The following FPGS variants were observed in gnomAD, a reference collection of about 807,000 sequenced individuals.
The protein encoded by FPGS is folylpolyglutamate synthase, mitochondrial.
In FPGS, 53 loss-of-function variants were observed where a neutral mutation model predicts 66.5. The observed-to-expected ratio is 0.80, with a 90% CI of 0.64 to 1.00. The LOEUF is 1.00. Among genes scored for constraint, FPGS ranks in the 50% least tolerant of loss-of-function variants. The probability of loss-of-function intolerance (pLI) is 0.00; values close to 1 mark genes in which losing one functional copy is unlikely to be tolerated. For synonymous variants in FPGS, 348 were observed against 350.9 expected (o/e 0.99, Z 0.09); for missense variants, 702 against 807.7 (o/e 0.87, Z 1.59).
chr9:127,806,992 G>A lies in FPGS; in HGVS notation c.406G>A (p.Val136Ile), dbSNP rs780050858. The A allele has an allele frequency of 1.2e-6, 2 of 1,613,938 alleles. No individual in the cohort carries two copies. Among genetic ancestry groups the A allele is most frequent in the Non-Finnish European group, 1.7e-6 (2 of 1,179,974 alleles). ...GFFSSPHLVQ[V>I]RERIRINGQP... ...CGGCAGCTCTCCCCACCTGGTGCAG[G>A]TTCGGGAGCGGATCCGCATCAATGG... is the stretch of plus-strand genomic sequence containing the variant. Residue 136 changes from valine (V) to isoleucine (I), a missense_variant, in exon 5 of 15, where the codon GTT (valine) becomes ATT (isoleucine). Around this residue, in one of 3 missense-constraint regions of FPGS, gnomAD observed 240 missense variants for 348.6 expected, o/e 0.69. Transcript: ENST00000373247.
chr9:127,803,042 G>T lies in FPGS; in HGVS notation c.118G>T (p.Glu40Ter). The change falls in exon 1 of 15, where the codon GAG (glutamate) becomes TAG (stop). Residue 40 changes from glutamate (E) to a stop codon, truncating the protein, a stop_gained. Transcript: ENST00000373247. LOFTEE classifies it high-confidence loss of function. ...RGLSAWPVPQ[E>*]PSMEYQDAVR... is the part of the protein sequence containing the mutation. ...CTTGAGCGCGTGGCCGGTGCCGCAG[G>T]AGCCGAGCATGGAGTACCAGGTATC... The T allele has an allele frequency of 6.9e-7, 1 of 1,439,104 alleles. No homozygotes were observed. 89.1% of individuals were successfully genotyped at this position (1,439,104 alleles called of 1,614,324 possible).
intron 11 of FPGS, 56 bp downstream of exon 11, chr9:127,808,945 G>GC: frequency 1.3e-6 from 1 of 797,208 alleles, no homozygotes; most frequent in Non-Finnish European, 1.9e-6. Context: ...TGCCCCTTCA[G>GC]ATTTTTTTTT....
chr9:127,805,476 A>G lies in FPGS; in HGVS notation c.386+776A>G, dbSNP rs149709663. On this transcript the variant is annotated intron_variant, in intron 4 of 14. Coordinates refer to ENST00000373247, the MANE Select transcript of FPGS (RefSeq NM_004957.6). ...GTCAGATGTCTCTTTAATAACTTAAAGTCCAGGTTGAGTGTGGTGGCTCAC... is the reference window on the plus strand; with the variant it reads ...GTCAGATGTCTCTTTAATAACTTAAGGTCCAGGTTGAGTGTGGTGGCTCAC... 9.2e-5 allele frequency among the ~76,000 whole-genome samples: 14 copies of G among 152,174 alleles called. No individual in the cohort carries two copies. The East Asian group carries it at 2.7e-3, about 29-fold the overall frequency.
intron 11 of FPGS, 135 bp from the exon 12 acceptor site, chr9:127,809,549 T>C: frequency 1.3e-6 from 1 of 785,500 alleles, no homozygotes; most frequent in Non-Finnish European, 1.9e-6. Flanking sequence ...TAGTAAAAAG[T>C]TCCTGGGCTG....
Position 127,807,066 on chromosome 9 carries a change from C to G in FPGS, c.480C>G (p.Tyr160Ter). The G allele has an allele frequency of 2.5e-6, 4 of 1,614,120 alleles. No homozygotes were observed. The highest frequency in any genetic ancestry group is 3.4e-6 in the Non-Finnish European group (4 of 1,179,966). ...TCACCAAGTACTTCTGGCGCCTCTA[C>G]CACCGGCTGGAGGAGACCAAGGTGC... is the stretch of plus-strand genomic sequence containing the variant. ...ELFTKYFWRL[Y>*]HRLEETKDGS... Residue 160 changes from tyrosine to a stop codon, truncating the protein, a stop_gained, in exon 5 of 15, where the codon TAC becomes TAG. Coordinates refer to ENST00000373247, the MANE Select transcript of FPGS (RefSeq NM_004957.6). LOFTEE classifies it high-confidence loss of function. The surrounding 1 kb of genome is among the most constrained non-coding windows in gnomAD (Gnocchi z 5.8).
chr9:127,804,419 G>C lies in FPGS; in HGVS notation c.267+6G>C, dbSNP rs1384125734. On this transcript the variant is annotated splice_donor_region_variant and intron_variant, in intron 2 of 14. Transcript: ENST00000373247. ...TGGCACGGAGTGGGCTGCAGGTAAG[G>C]TAGAGAGGGCCTGTGACCACCTCCC... 1 of 1,614,174 alleles carries C rather than the reference G, an allele frequency of 6.2e-7. No homozygotes were observed. Among genetic ancestry groups the C allele is most frequent in the Non-Finnish European group, 8.5e-7 (1 of 1,180,006 alleles).
At position 127,810,114 on chromosome 9, in the gene FPGS, G is replaced by T. The variant is rs760975558; in HGVS notation, c.1287+8G>T. 8.1e-6 allele frequency: 13 copies of T among 1,612,460 alleles called. No individual in the cohort carries two copies. The highest frequency in any genetic ancestry group is 1.3e-5 in the African/African-American group (1 of 74,896). On this transcript the variant is annotated splice_region_variant and intron_variant, in intron 13 of 14. Coordinates refer to ENST00000373247, the MANE Select transcript of FPGS (RefSeq NM_004957.6). ...CTGCTGAAGCTGCTGCAGGTGAGGG[G>T]CCAACTTGGGGGTGGGCGGCAGGCA... is the stretch of plus-strand genomic sequence containing the variant.
Position 127,807,580 on chromosome 9 carries a change from C to A in FPGS, c.642-6C>A. 6.2e-7 allele frequency: 1 copy of A among 1,613,408 alleles called. No individual in the cohort carries two copies. The highest frequency in any genetic ancestry group is 1.1e-5 in the South Asian group (1 of 91,070). On this transcript the variant is annotated splice_polypyrimidine_tract_variant and splice_region_variant and intron_variant, in intron 7 of 14. Transcript: ENST00000373247. This position sits in a 1 kb window ranked among gnomAD's most constrained non-coding sequence, Gnocchi z 5.8. ...CAGGGCCTCATGGCCTTTTCCTCCC[C>A]TGCAGGAAGCCTGTGGTGTGCGGAG...
At chr9:127,810,180 G>GGCACCCC in intron 13 of FPGS, 74 bp downstream of exon 13, 1 of 1,215,504 alleles carries the variant, frequency 8.2e-7, no homozygotes, top group Non-Finnish European at 1.2e-6. Flanking sequence ...CCTGGGGGGT[G>GGCACCCC]CCAATCCCCT....
chr9:127,813,759 CTTT>C lies in FPGS; in HGVS notation c.*159_*161del, dbSNP rs1168520194. 5 of 1,317,236 alleles carry C rather than the reference CTTT, an allele frequency of 3.8e-6. No homozygotes were observed. Among genetic ancestry groups the C allele is most frequent in the Non-Finnish European group, 4.8e-6 (5 of 1,040,262 alleles). The allele number at this position is 1,317,236 out of a possible 1,614,324, so 81.6% of individuals were successfully genotyped here. On this transcript the variant is annotated 3_prime_UTR_variant, in exon 15 of 15. Coordinates refer to ENST00000373247, the MANE Select transcript of FPGS (RefSeq NM_004957.6). ...GGGATGGGAGGCCGGGAGAGGATGT[CTTT>C]TTTAAGGCTCTGTGCCTTGGTCTCT... is the stretch of plus-strand genomic sequence containing the variant.
In FPGS at chr9:127,813,914, G is replaced by GCT. The variant is rs1830203356; in HGVS notation, c.*311_*312dup. The GCT allele has an allele frequency of 8.6e-7, 1 of 1,156,402 alleles. No individual in the cohort carries two copies. The highest frequency in any genetic ancestry group is 4.1e-5 in the South Asian group (1 of 24,210). 71.6% of individuals were successfully genotyped at this position (1,156,402 alleles called of 1,614,324 possible). The stretch of plus-strand genomic sequence containing the variant: ...GGCTCAGGCCCAGCTTATTGTGTGC[G>GCT]CTGCCTGGCCAGGCCCTGGGTCTTG... On this transcript the variant is annotated 3_prime_UTR_variant, in exon 15 of 15. Transcript: ENST00000373247.
intron 4 of FPGS, 78 bp from the exon 5 acceptor site, chr9:127,806,895 T>A: frequency 9.5e-7 from 1 of 1,050,788 alleles, no homozygotes; most frequent in Non-Finnish European, 1.5e-6. Flanking sequence ...CGGAGGCCAG[T>A]AGCATCAGTC....
chr9:127,807,509 G>C lies in FPGS; in HGVS notation c.641+27G>C, dbSNP rs1829864162. The C allele has an allele frequency of 6.2e-7, 1 of 1,613,604 alleles. No homozygotes were observed. Among genetic ancestry groups the C allele is most frequent in the Non-Finnish European group, 8.5e-7 (1 of 1,179,848 alleles). ...TGAGCGCAGTTGCTTGGGACGAGGG[G>C]TGGCAGCCAGGAGCACAGCCTCACC... On this transcript the variant is annotated intron_variant, in intron 7 of 14. Coordinates refer to ENST00000373247, the MANE Select transcript of FPGS (RefSeq NM_004957.6). This position sits in a 1 kb window ranked among gnomAD's most constrained non-coding sequence, Gnocchi z 5.8.
chr9:127,804,646 G>A lies in FPGS; in HGVS notation c.332G>A (p.Cys111Tyr). 6.2e-7 allele frequency: 1 copy of A among 1,614,140 alleles called. No individual in the cohort carries two copies. The highest frequency in any genetic ancestry group is 8.5e-7 in the Non-Finnish European group (1 of 1,180,024). The change falls in exon 4 of 15, where the codon TGT becomes TAT. Residue 111 changes from cysteine (C) to tyrosine (Y), a missense_variant. Coordinates refer to ENST00000373247, the MANE Select transcript of FPGS (RefSeq NM_004957.6). ...VTGTKGKGST[C>Y]AFTECILRSY... The stretch of plus-strand genomic sequence containing the variant: ...CCCTTTTCTTTCAAGGGCTCCACCT[G>A]TGCCTTCACGGAATGTATCCTCCGA...
Position 127,807,105 on chromosome 9 carries a change from G to A in FPGS, c.501+18G>A, listed in dbSNP as rs780005056. The A allele has an allele frequency of 2.2e-5, 35 of 1,611,918 alleles. No homozygotes were observed. In the East Asian group the frequency reaches 7.4e-4, roughly 34 times the overall value. On this transcript the variant is annotated intron_variant, in intron 5 of 14. Transcript: ENST00000373247. This position sits in a 1 kb window ranked among gnomAD's most constrained non-coding sequence, Gnocchi z 5.8. ...AGACCAAGGTGCCGCATGCAGGAGG[G>A]CTGGCGGGTGGGTATGGTTGGGGGT...
rs1234861911 is a variant in FPGS at position 127,813,705 on chromosome 9, G to T, written c.*101G>T. The T allele has an allele frequency of 2.1e-6, 3 of 1,408,700 alleles. No individual in the cohort carries two copies. The highest frequency in any genetic ancestry group is 2.8e-6 in the Non-Finnish European group (3 of 1,083,660). The allele number at this position is 1,408,700 out of a possible 1,614,324, so 87.3% of individuals were successfully genotyped here. ...TTTTGTTTTTGGCTTTCCTGGTTCTGTCTAGACTGGCCTAGGGGCCAGGGC... is the reference window on the plus strand; with the variant it reads ...TTTTGTTTTTGGCTTTCCTGGTTCTTTCTAGACTGGCCTAGGGGCCAGGGC... On this transcript the variant is annotated 3_prime_UTR_variant, in exon 15 of 15. Transcript: ENST00000373247.
intron 1 of FPGS, among the ~76,000 whole-genome samples, chr9:127,803,927 G>A (rs1424410706): frequency 9.9e-5 from 15 of 152,210 alleles, no homozygotes; most frequent in Non-Finnish European, 1.3e-4. Flanking sequence ...TTCTGGCCCC[G>A]CTCTGGCAGG....
intron 13 of FPGS, among the ~76,000 whole-genome samples, 181 bp from the exon 14 acceptor site, chr9:127,810,764 A>G (rs1205960716): frequency 6.6e-6 from 1 of 152,198 alleles, no homozygotes; most frequent in Non-Finnish European, 1.5e-5. Context: ...GCCACAGGCC[A>G]GGCAGGGTAT....
In FPGS at chr9:127,807,015, T is replaced by C. The variant is rs545849823; in HGVS notation, c.429T>C (p.Asn143=). The change falls in exon 5 of 15, where the codon AAT becomes AAC. Residue 143 remains asparagine, a synonymous_variant. Coordinates refer to ENST00000373247, the MANE Select transcript of FPGS (RefSeq NM_004957.6). The surrounding 1 kb of genome is among the most constrained non-coding windows in gnomAD (Gnocchi z 5.8). ...LVQVRERIRI[N]GQPISPELFT... ...AGGTTCGGGAGCGGATCCGCATCAA[T>C]GGGCAGCCCATCAGTCCTGAGCTCT... 1.9e-6 allele frequency: 3 copies of C among 1,614,158 alleles called. No homozygotes were observed. The African/African-American group carries it at 4.0e-5, about 22-fold the overall frequency.
Sources: gnomAD v4.1 joint callset for allele counts (sites outside exome capture counted in the v4.1 genomes callset) on GRCh38, gnomAD v4.1.1 for gene constraint, gnomAD v4.1.1 regional missense constraint, Gnocchi (gnomAD v3.1) non-coding constraint, MANE v1.5 for transcripts, NCBI Gene and HGNC (gene_info 2026-07-23, HGNC 2026-07-21) for gene names.